The following CNTN5 variants were observed in gnomAD, a reference collection of about 807,000 sequenced individuals.
The protein encoded by CNTN5 is contactin 5.
In CNTN5, 77 loss-of-function variants were observed where a neutral mutation model predicts 129.1. That is an observed-to-expected ratio of 0.60 (90% CI 0.50 to 0.72). The LOEUF (loss-of-function observed/expected upper bound fraction) is 0.72, where lower values mean the gene tolerates loss of function less well. CNTN5 is among the 30% of genes least tolerant of loss of function. CNTN5 has a pLI of 0.00. For synonymous variants in CNTN5, 509 were observed against 465.6 expected (o/e 1.09, Z -1.20); for missense variants, 1,478 against 1,328.8 (o/e 1.11, Z -1.75).
At chr11:99,665,611 C>T (rs557497942) in intron 3 of CNTN5, among the ~76,000 whole-genome samples, 32 of 150,846 alleles carry the variant, frequency 2.1e-4, no homozygotes, top group African/African-American at 7.5e-4. Flanking sequence ...CTCAGCCTCC[C>T]AAGTGGCTGG....
chr11:99,811,718 C>T (rs1946433960), intron 3 of CNTN5, among the ~76,000 whole-genome samples: 1 of 151,918 alleles, frequency 6.6e-6, no homozygotes, highest in East Asian at 1.9e-4. Context: ...TTAATATTTA[C>T]TCCTACCCAA....
At chr11:99,386,499 G>A (rs1206580319) in intron 2 of CNTN5, among the ~76,000 whole-genome samples, 1 of 152,012 alleles carries the variant, frequency 6.6e-6, no homozygotes, top group Non-Finnish European at 1.5e-5. Flanking sequence ...ACACCGGTGG[G>A]AGTGTAGCAG....
chr11:100,224,320 G>T (rs1213296080), intron 15 of CNTN5, among the ~76,000 whole-genome samples: 2 of 152,076 alleles, frequency 1.3e-5, no homozygotes, highest in African/African-American at 4.8e-5. Context: ...ACAAGTTGCT[G>T]TTCCTTTCAA....
In CNTN5 at chr11:99,046,632, T is replaced by C. The variant is rs1473843228; in HGVS notation, c.-210+25362T>C. On this transcript the variant is annotated intron_variant, in intron 1 of 24. Coordinates refer to ENST00000524871, the MANE Select transcript of CNTN5 (RefSeq NM_014361.4). ...GGAATTTAAGCCGAGAAAGGTATAA[T>C]ATCTTCATGAGGTTTTTGTTTATTT... Among the ~76,000 whole-genome samples, 4 of 152,156 alleles carry C rather than the reference T, an allele frequency of 2.6e-5. No individual in the cohort carries two copies. The South Asian group carries it at 6.2e-4, about 24-fold the overall frequency.
intron 1 of CNTN5, among the ~76,000 whole-genome samples, chr11:99,036,451 T>C (rs1404386036): frequency 6.6e-6 from 1 of 152,150 alleles, no homozygotes; most frequent in African/African-American, 2.4e-5. Flanking sequence ...TAATTTTTAA[T>C]AGAGTACTTT....
At chr11:99,228,618 T>C (rs754369046) in intron 1 of CNTN5, among the ~76,000 whole-genome samples, 1 of 152,082 alleles carries the variant, frequency 6.6e-6, no homozygotes, top group African/African-American at 2.4e-5. Flanking sequence ...ATATCATGTG[T>C]CAATTAAAAA....
At chr11:99,228,300 G>A (rs1259120595) in intron 1 of CNTN5, among the ~76,000 whole-genome samples, 1 of 152,092 alleles carries the variant, frequency 6.6e-6, no homozygotes, top group Non-Finnish European at 1.5e-5. Flanking sequence ...TAGAATGATA[G>A]TAGAATGATA....
chr11:99,931,693 T>A (rs189695393), intron 7 of CNTN5, among the ~76,000 whole-genome samples: 10 of 152,212 alleles, frequency 6.6e-5, no homozygotes, highest in Non-Finnish European at 1.5e-4. Context: ...TTCATTTGGT[T>A]TGGCCAAAGT....
At chr11:99,769,925 G>C (rs1257096704) in intron 3 of CNTN5, among the ~76,000 whole-genome samples, 1 of 152,068 alleles carries the variant, frequency 6.6e-6, no homozygotes, top group Non-Finnish European at 1.5e-5. Flanking sequence ...GCAATGCAGT[G>C]TGATACAGGT....
intron 3 of CNTN5, among the ~76,000 whole-genome samples, chr11:99,712,213 A>C (rs867024938): frequency 3.9e-5 from 6 of 152,106 alleles, no homozygotes; most frequent in Non-Finnish European, 7.4e-5. Context: ...TTTCATTTGC[A>C]TTTCTCTAAT....
At chr11:99,947,344 G>T (rs1950574764) in intron 7 of CNTN5, among the ~76,000 whole-genome samples, 1 of 118,522 alleles carries the variant, frequency 8.4e-6, no homozygotes, top group South Asian at 2.9e-4. Flanking sequence ...TTTATGATTA[G>T]GTTTTTTTTT....
chr11:99,675,379 G>T (rs1278969412), intron 3 of CNTN5, among the ~76,000 whole-genome samples: 1 of 151,972 alleles, frequency 6.6e-6, no homozygotes, highest in East Asian at 1.9e-4. Context: ...GATAGATTTT[G>T]GTAAAAGAGT....
At chr11:100,157,453 C>A (rs918177939) in intron 13 of CNTN5, among the ~76,000 whole-genome samples, 1 of 150,710 alleles carries the variant, frequency 6.6e-6, no homozygotes, top group African/African-American at 2.4e-5. Context: ...AGTAGCATTA[C>A]AGAAATTAAA....
intron 18 of CNTN5, among the ~76,000 whole-genome samples, chr11:100,276,694 G>A (rs1482404632): frequency 5.3e-5 from 8 of 151,884 alleles, no homozygotes; most frequent in Non-Finnish European, 1.2e-4. Flanking sequence ...GTATACAGTA[G>A]GTATATATAT....
Position 100,356,157 on chromosome 11 carries a change from C to A in CNTN5, c.3240C>A (p.Leu1080=), listed in dbSNP as rs199742281. The A allele has an allele frequency of 6.8e-6, 11 of 1,610,754 alleles. No individual in the cohort carries two copies. Among genetic ancestry groups the A allele is most frequent in the Non-Finnish European group, 1.7e-6 (2 of 1,178,136 alleles). Residue 1080 remains leucine (L), a synonymous_variant, in exon 25 of 25, where the codon CTC becomes CTA. Transcript: ENST00000524871. The part of the protein sequence containing the change: ...ITSAQSTLHS[L]STSSSSVTLL... ...GTGCACAGTCGACCCTTCACTCTCT[C>A]TCCACATCTTCGTCATCAGTCACCT...
At chr11:99,737,496 A>AT (rs2135137574) in intron 3 of CNTN5, among the ~76,000 whole-genome samples, 1 of 152,274 alleles carries the variant, frequency 6.6e-6, no homozygotes, top group Non-Finnish European at 1.5e-5. Context: ...CAGAATCAGA[A>AT]TTTATTTCTT....
In CNTN5 at chr11:100,184,765, A is replaced by T. The variant is rs192360611; in HGVS notation, c.1581-6361A>T. On this transcript the variant is annotated intron_variant, in intron 13 of 24. Coordinates refer to ENST00000524871, the MANE Select transcript of CNTN5 (RefSeq NM_014361.4). ...AAAACTATTACTTTTCTATTTTCTAAAGTGCTTACATATGATATATAGGGA... is the reference window on the plus strand; with the variant it reads ...AAAACTATTACTTTTCTATTTTCTATAGTGCTTACATATGATATATAGGGA... Among the ~76,000 whole-genome samples, 680 of 152,258 alleles carry T rather than the reference A, an allele frequency of 4.5e-3. 2 individuals are homozygous for T. Among genetic ancestry groups the T allele is most frequent in the Non-Finnish European group, 6.4e-3 (433 of 68,024 alleles).
intron 1 of CNTN5, among the ~76,000 whole-genome samples, chr11:99,030,203 C>T (rs1312855571): frequency 3.3e-5 from 5 of 151,626 alleles, no homozygotes; most frequent in South Asian, 4.2e-4. Flanking sequence ...TTTTTTTTTG[C>T]GAGAAGGAAA....
chr11:99,379,158 C>G lies in CNTN5; in HGVS notation c.-71+53674C>G, dbSNP rs1940366719. Reference sequence around the variant, plus strand: ...CTTTTCTGACCAGCAAGTTACTTTCCTAAGAGGAGATAATTTTGTTTCTTT... The same window carrying G: ...CTTTTCTGACCAGCAAGTTACTTTCGTAAGAGGAGATAATTTTGTTTCTTT... On this transcript the variant is annotated intron_variant, in intron 2 of 24. Transcript: ENST00000524871. Among the ~76,000 whole-genome samples the G allele has an allele frequency of 2.9e-5, 4 of 137,786 alleles. No homozygotes were observed. The South Asian group carries it at 9.4e-4, about 32-fold the overall frequency. The allele number at this position is 137,786 out of a possible 152,430, so 90.4% of individuals were successfully genotyped here.
Sources: gnomAD v4.1 joint callset for allele counts (sites outside exome capture counted in the v4.1 genomes callset) on GRCh38, gnomAD v4.1.1 for gene constraint, MANE v1.5 for transcripts, NCBI Gene and HGNC (gene_info 2026-07-23, HGNC 2026-07-21) for gene names.